Variants in PPARA observed in about 807,000 individuals in gnomAD.
The protein encoded by PPARA is peroxisome proliferator activated receptor alpha, also known as peroxisome proliferator-activated receptor alpha.
A neutral mutation model predicts 42.2 loss-of-function variants in PPARA; 22 were observed. That is an observed-to-expected ratio of 0.52 (90% CI 0.37 to 0.74). The LOEUF is 0.74. Among genes scored for constraint, PPARA ranks in the 30% least tolerant of loss-of-function variants. The pLI is 0.00. For synonymous variants in PPARA, 242 were observed against 239.3 expected, an observed-to-expected ratio of 1.01 and a Z score of -0.10; for missense variants, 465 against 608.2, an observed-to-expected ratio of 0.76 and a Z score of 2.48.
chr22:46,174,118 C>G (rs1601644108), intron 2 of PPARA, among the ~76,000 whole-genome samples: 1 of 150,642 alleles, frequency 6.6e-6, no homozygotes, highest in East Asian at 2.0e-4. Flanking sequence ...GCAGAGGTTA[C>G]AGTGAGCCGA....
In PPARA at chr22:46,191,159, A is replaced by C. The variant is rs1202040450; in HGVS notation, c.-42-7183A>C. On this transcript the variant is annotated intron_variant, in intron 3 of 8. Coordinates refer to ENST00000407236, the MANE Select transcript of PPARA (RefSeq NM_005036.6). The surrounding 1 kb of genome is among the most constrained non-coding windows in gnomAD (Gnocchi z 4.6). ...CAGTGAGCCGAGATTGCACAACTGC[A>C]CTCCAGCCTGGGTGACAGAGTGAGA... 6.6e-6 allele frequency among the ~76,000 whole-genome samples: 1 copy of C among 152,162 alleles called. No individual in the cohort carries two copies. The highest frequency in any genetic ancestry group is 1.5e-5 in the Non-Finnish European group (1 of 68,020).
Position 46,212,631 on chromosome 22 carries a change from T to C in PPARA, c.209-2542T>C, listed in dbSNP as rs1173906616. Among the ~76,000 whole-genome samples the C allele has an allele frequency of 6.6e-5, 10 of 152,210 alleles. No individual in the cohort carries two copies. The highest frequency in any genetic ancestry group is 2.4e-4 in the African/African-American group (10 of 41,466). ...TTTTACACTGAATGAGTTCCCACTG[T>C]CTGTTTGTACCACAGTTTGTATATC... On this transcript the variant is annotated intron_variant, in intron 4 of 8. Transcript: ENST00000407236. This position sits in a 1 kb window ranked among gnomAD's most constrained non-coding sequence, Gnocchi z 4.2.
In PPARA at chr22:46,231,992, T is replaced by A. The variant is rs764645826; in HGVS notation, c.912T>A (p.Asp304Glu). 6.2e-7 allele frequency: 1 copy of A among 1,614,168 alleles called. No individual in the cohort carries two copies. Among genetic ancestry groups the A allele is most frequent in the East Asian group, 2.2e-5 (1 of 44,886 alleles). ...GCTTCGCAAACTTGGACCTGAACGATCAAGTGACATTGCTAAAATACGGAG... is the reference window on the plus strand; with the variant it reads ...GCTTCGCAAACTTGGACCTGAACGAACAAGTGACATTGCTAAAATACGGAG... ...IPGFANLDLN[D>E]QVTLLKYGVY... The change falls in exon 8 of 9, where the codon GAT (aspartate) becomes GAA (glutamate). Residue 304 changes from aspartate (D) to glutamate (E), a missense_variant. Transcript: ENST00000407236. This position sits in a 1 kb window ranked among gnomAD's most constrained non-coding sequence, Gnocchi z 7.7.
Position 46,180,803 on chromosome 22 carries a change from G to C in PPARA, c.-43+3967G>C, listed in dbSNP as rs1239551911. Reference sequence around the variant, plus strand: ...TCTGATTTCCCACTACATTTTCTGGGGGCTCGTCCGGGATTGGAGATGGCA... The same window carrying C: ...TCTGATTTCCCACTACATTTTCTGGCGGCTCGTCCGGGATTGGAGATGGCA... On this transcript the variant is annotated intron_variant, in intron 3 of 8. Coordinates refer to ENST00000407236, the MANE Select transcript of PPARA (RefSeq NM_005036.6). The surrounding 1 kb of genome is among the most constrained non-coding windows in gnomAD (Gnocchi z 4.2). Among the ~76,000 whole-genome samples, 1 of 152,222 alleles carries C rather than the reference G, an allele frequency of 6.6e-6. No homozygotes were observed. Among genetic ancestry groups the C allele is most frequent in the African/African-American group, 2.4e-5 (1 of 41,518 alleles).
intron 2 of PPARA, among the ~76,000 whole-genome samples, chr22:46,174,092 T>G (rs570616698): frequency 6.6e-6 from 1 of 150,702 alleles, no homozygotes; most frequent in African/African-American, 2.4e-5. Flanking sequence ...GCAGGAGAAT[T>G]GCTTGAACCC....
At chr22:46,157,126 G>A (rs135551) in intron 2 of PPARA, among the ~76,000 whole-genome samples, 51,109 of 152,074 alleles carry the variant, frequency 0.34, 10,300 homozygotes, top group African/African-American at 0.56. Context: ...GACTGTCCTC[G>A]CTGAGTCTAA....
chr22:46,208,537 G>C (rs1246725356), intron 4 of PPARA, among the ~76,000 whole-genome samples: 2 of 137,456 alleles, frequency 1.5e-5, no homozygotes, highest in African/African-American at 5.4e-5. Flanking sequence ...AACAGAGCAA[G>C]ACTCCATCTC....
At position 46,231,089 on chromosome 22, in the gene PPARA, G is replaced by T. The variant is rs564125173; in HGVS notation, c.712-703G>T. ...GACGGAGTCTTACTCTCGCTCTGTCGCCCAGACTGGAGACTGGAGTGCAGT... is the reference window on the plus strand; with the variant it reads ...GACGGAGTCTTACTCTCGCTCTGTCTCCCAGACTGGAGACTGGAGTGCAGT... On this transcript the variant is annotated intron_variant, in intron 7 of 8. Coordinates refer to ENST00000407236, the MANE Select transcript of PPARA (RefSeq NM_005036.6). This position sits in a 1 kb window ranked among gnomAD's most constrained non-coding sequence, Gnocchi z 7.7. Among the ~76,000 whole-genome samples, 1 of 151,872 alleles carries T rather than the reference G, an allele frequency of 6.6e-6. No individual in the cohort carries two copies. The highest frequency in any genetic ancestry group is 2.1e-4 in the South Asian group (1 of 4,794).
intron 4 of PPARA, among the ~76,000 whole-genome samples, chr22:46,207,683 T>A (rs866863896): frequency 0.012 from 1,321 of 111,888 alleles, 7 homozygotes; most frequent in African/African-American, 0.02. Context: ...TATTATTTTT[T>A]TTTTTTTTTT....
Position 46,160,850 on chromosome 22 carries a change from G to T in PPARA, c.-127+8880G>T, listed in dbSNP as rs1365938368. On this transcript the variant is annotated intron_variant, in intron 2 of 8. Coordinates refer to ENST00000407236, the MANE Select transcript of PPARA (RefSeq NM_005036.6). The surrounding 1 kb of genome is among the most constrained non-coding windows in gnomAD (Gnocchi z 4.5). ...GGGCTCAAGTGATCTGTCCGCCTTG[G>T]CCTCCCAAAGTGTTGGGATTACAGG... Among the ~76,000 whole-genome samples, 19 of 152,176 alleles carry T rather than the reference G, an allele frequency of 1.2e-4. No individual in the cohort carries two copies. Among genetic ancestry groups the T allele is most frequent in the Admixed American group, 1.2e-3 (19 of 15,280 alleles).
At position 46,241,332 on chromosome 22, in the gene PPARA, C is replaced by T. The variant is rs770574138; in HGVS notation, c.*5952C>T. 2 of 152,168 alleles carry T rather than the reference C, an allele frequency of 1.3e-5. No homozygotes were observed. The highest frequency in any genetic ancestry group is 2.9e-5 in the Non-Finnish European group (2 of 68,026). The allele number at this position is 152,168 out of a possible 1,614,324, so 9.4% of individuals were successfully genotyped here. Reference sequence around the variant, plus strand: ...GGTCTGACTCAGAATATAGGAGATCCATATATTTCTCTGGAAACCACAGTG... The same window carrying T: ...GGTCTGACTCAGAATATAGGAGATCTATATATTTCTCTGGAAACCACAGTG... On this transcript the variant is annotated 3_prime_UTR_variant, in exon 9 of 9. Coordinates refer to ENST00000407236, the MANE Select transcript of PPARA (RefSeq NM_005036.6). The surrounding 1 kb of genome is among the most constrained non-coding windows in gnomAD (Gnocchi z 5.7).
intron 4 of PPARA, among the ~76,000 whole-genome samples, chr22:46,213,586 T>C (rs1465264433): frequency 6.7e-6 from 1 of 150,294 alleles, no homozygotes; most frequent in Non-Finnish European, 1.5e-5. Context: ...TTTTTCTTTT[T>C]TTTTTCTTTT....
In PPARA at chr22:46,216,314, C is replaced by T. The variant is rs912381118; in HGVS notation, c.369+981C>T. Among the ~76,000 whole-genome samples, 11 of 148,830 alleles carry T rather than the reference C, an allele frequency of 7.4e-5. No individual in the cohort carries two copies. The highest frequency in any genetic ancestry group is 1.7e-4 in the African/African-American group (7 of 40,032). On this transcript the variant is annotated intron_variant, in intron 5 of 8. Transcript: ENST00000407236. The surrounding 1 kb of genome is among the most constrained non-coding windows in gnomAD (Gnocchi z 4.5). ...AGGAGAATTGCTTGAACTCAGGAGG[C>T]GGAGGTTGCAGTGAGCTGAGATCGA...
rs185791917 is a variant in PPARA, at chr22:46,229,600, A to G, written c.712-2192A>G. 5.2e-3 allele frequency among the ~76,000 whole-genome samples: 788 copies of G among 152,278 alleles called. 8 individuals carry two copies. The highest frequency in any genetic ancestry group is 6.6e-3 in the Non-Finnish European group (448 of 68,024). On this transcript the variant is annotated intron_variant, in intron 7 of 8. Coordinates refer to ENST00000407236, the MANE Select transcript of PPARA (RefSeq NM_005036.6). ...TATCTAGCCCCTCCTAGAAATGTTA[A>G]TTCCTTAAATCTGAGCTTCAGCTTT...
rs769537217 is a variant in PPARA at position 46,180,275 on chromosome 22, C to T, written c.-43+3439C>T. Among the ~76,000 whole-genome samples the T allele has an allele frequency of 4.0e-5, 6 of 151,626 alleles. No homozygotes were observed. The highest frequency in any genetic ancestry group is 6.6e-5 in the Admixed American group (1 of 15,232). On this transcript the variant is annotated intron_variant, in intron 3 of 8. Coordinates refer to ENST00000407236, the MANE Select transcript of PPARA (RefSeq NM_005036.6). This position sits in a 1 kb window ranked among gnomAD's most constrained non-coding sequence, Gnocchi z 4.2. Reference sequence around the variant, plus strand: ...GATCTCAGCTCACTGCAACCTCTGCCTCCCAATGAATTAGAAAAATAATAA... The same window carrying T: ...GATCTCAGCTCACTGCAACCTCTGCTTCCCAATGAATTAGAAAAATAATAA...
chr22:46,180,648 T>C lies in PPARA; in HGVS notation c.-43+3812T>C, dbSNP rs1929821623. ...GTATGCCTGCTTCCTGCCTCACATA[T>C]TTCCTGCCTCAAGATGCGTAAAAGG... On this transcript the variant is annotated intron_variant, in intron 3 of 8. Transcript: ENST00000407236. The surrounding 1 kb of genome is among the most constrained non-coding windows in gnomAD (Gnocchi z 4.2). 6.6e-6 allele frequency among the ~76,000 whole-genome samples: 1 copy of C among 152,144 alleles called. No homozygotes were observed. The highest frequency in any genetic ancestry group is 6.6e-5 in the Admixed American group (1 of 15,266).
At chr22:46,181,127 C>T (rs138398332) in intron 3 of PPARA, among the ~76,000 whole-genome samples, 103 of 152,154 alleles carry the variant, frequency 6.8e-4, no homozygotes, top group African/African-American at 2.4e-3. Flanking sequence ...ACACCTTAGC[C>T]GATGCAGGAC....
chr22:46,158,414 A>G (rs1310294424), intron 2 of PPARA, among the ~76,000 whole-genome samples: 1 of 152,068 alleles, frequency 6.6e-6, no homozygotes, highest in Admixed American at 6.6e-5. Context: ...GTTTTTTTGC[A>G]TTTGTTTGTA....
intron 3 of PPARA, among the ~76,000 whole-genome samples, chr22:46,197,203 C>T (rs915825654): frequency 1.3e-5 from 2 of 152,058 alleles, no homozygotes. Flanking sequence ...GCACATGCCA[C>T]CACACCCAGC....
Sources: allele counts gnomAD v4.1 joint callset (sites outside exome capture counted in the v4.1 genomes callset), GRCh38; gene constraint gnomAD v4.1.1; non-coding constraint Gnocchi (gnomAD v3.1); transcripts MANE v1.5; gene names NCBI Gene and HGNC (gene_info 2026-07-23, HGNC 2026-07-21).